Variants in ARFGEF2 observed in about 807,000 individuals in gnomAD.
ARFGEF2 encodes ARF guanine nucleotide exchange factor 2.
Under a neutral mutation model 219.9 loss-of-function variants are expected in ARFGEF2, and 74 were observed. That is an observed-to-expected ratio of 0.34 (90% CI 0.28 to 0.41). ARFGEF2 has a LOEUF of 0.41. ARFGEF2 is among the 10% of genes least tolerant of loss of function. The probability of loss-of-function intolerance (pLI) is 1.00; values close to 1 mark genes in which losing one functional copy is unlikely to be tolerated. For missense variants in ARFGEF2, 1,743 were observed against 2,218.3 expected (o/e 0.79, Z 4.30); for synonymous variants, 733 against 799.2 (o/e 0.92, Z 1.40).
At chr20:48,929,472 A>G (rs979434504) in intron 1 of ARFGEF2, among the ~76,000 whole-genome samples, 4 of 152,232 alleles carry the variant, frequency 2.6e-5, no homozygotes, top group Non-Finnish European at 5.9e-5. Context: ...AGGGATCAAA[A>G]CAAACAAGGA....
At position 48,921,794 on chromosome 20, in the gene ARFGEF2, G is replaced by A; in HGVS notation, c.-96G>A. 1 of 1,176,080 alleles carries A rather than the reference G, an allele frequency of 8.5e-7. No homozygotes were observed. The highest frequency in any genetic ancestry group is 4.2e-5 in the East Asian group (1 of 23,558). The allele number at this position is 1,176,080 out of a possible 1,614,324, so 72.9% of individuals were successfully genotyped here. A position where few individuals can be genotyped will look rare whatever the true frequency, so the allele number is the denominator to read the frequency against. ...TGACGGGGCGGCGCGGACGGACGCGGCCGGTGCCGGCCGGGACGCCGGGCC... is the reference window on the plus strand; with the variant it reads ...TGACGGGGCGGCGCGGACGGACGCGACCGGTGCCGGCCGGGACGCCGGGCC... On this transcript the variant is annotated 5_prime_UTR_variant, in exon 1 of 39. Coordinates refer to ENST00000371917, the MANE Select transcript of ARFGEF2 (RefSeq NM_006420.3).
intron 36 of ARFGEF2, 33 bp from the exon 37 acceptor site, chr20:49,028,497 T>C (rs1387961296): frequency 1.2e-6 from 2 of 1,606,768 alleles, no homozygotes; most frequent in Admixed American, 3.3e-5. Flanking sequence ...ATCTTAGAAA[T>C]GTGCACTAAT....
intron 16 of ARFGEF2, among the ~76,000 whole-genome samples, chr20:48,986,072 T>C (rs1159731778): frequency 2.6e-5 from 4 of 152,214 alleles, no homozygotes; most frequent in Non-Finnish European, 5.9e-5. Context: ...TGATTTTATC[T>C]GGGGACCTTT....
chr20:48,989,108 A>AC (rs1382538034), intron 18 of ARFGEF2, among the ~76,000 whole-genome samples, 177 bp from the exon 19 acceptor site: 2 of 152,062 alleles, frequency 1.3e-5, no homozygotes, highest in Non-Finnish European at 2.9e-5. Flanking sequence ...CAAGTGACTT[A>AC]CCCCCTCTGC....
At chr20:48,964,378 C>CT (rs1356405115) in intron 7 of ARFGEF2, among the ~76,000 whole-genome samples, 2 of 152,174 alleles carry the variant, frequency 1.3e-5, no homozygotes, top group Non-Finnish European at 2.9e-5. Flanking sequence ...GCACTTCAGC[C>CT]TGGGTGACAG....
chr20:48,946,281 C>T (rs1163940966), intron 3 of ARFGEF2, among the ~76,000 whole-genome samples: 1 of 152,140 alleles, frequency 6.6e-6, no homozygotes, highest in Admixed American at 6.5e-5. Flanking sequence ...GCTCAGGCTT[C>T]CTCTCCACTG....
chr20:48,960,285 T>G (rs1287537166), intron 6 of ARFGEF2, among the ~76,000 whole-genome samples: 3 of 152,120 alleles, frequency 2.0e-5, no homozygotes, highest in Non-Finnish European at 4.4e-5. Context: ...AAAAGTACAG[T>G]CACAATGCAG....
At position 48,985,404 on chromosome 20, in the gene ARFGEF2, T is replaced by A. The variant is rs2091321259; in HGVS notation, c.2071-4T>A. 4 of 1,614,148 alleles carry A rather than the reference T, an allele frequency of 2.5e-6. No individual in the cohort carries two copies. Among genetic ancestry groups the A allele is most frequent in the Non-Finnish European group, 3.4e-6 (4 of 1,180,006 alleles). On this transcript the variant is annotated splice_polypyrimidine_tract_variant and splice_region_variant and intron_variant, in intron 15 of 38. Coordinates refer to ENST00000371917, the MANE Select transcript of ARFGEF2 (RefSeq NM_006420.3). ...CTGGATATAAGTGAGTGTGTATGTTTCAGACCCAAGTAGGCGATTTTCTGG... is the reference window on the plus strand; with the variant it reads ...CTGGATATAAGTGAGTGTGTATGTTACAGACCCAAGTAGGCGATTTTCTGG...
In ARFGEF2 at chr20:48,994,442, T is replaced by G; in HGVS notation, c.2974-9T>G. On this transcript the variant is annotated splice_polypyrimidine_tract_variant and intron_variant, in intron 21 of 38. Coordinates refer to ENST00000371917, the MANE Select transcript of ARFGEF2 (RefSeq NM_006420.3). ...AGGAACTCATTTCTTCATGCCTTCT[T>G]TCTCTTAGATCTTGAAATGCATCAG... 1 of 1,613,980 alleles carries G rather than the reference T, an allele frequency of 6.2e-7. No individual in the cohort carries two copies. The highest frequency in any genetic ancestry group is 8.5e-7 in the Non-Finnish European group (1 of 1,180,018).
At chr20:49,004,067 G>A (rs2091441066) in intron 25 of ARFGEF2, among the ~76,000 whole-genome samples, 1 of 152,068 alleles carries the variant, frequency 6.6e-6, no homozygotes, top group Non-Finnish European at 1.5e-5. Flanking sequence ...ATTTTTTCAA[G>A]ATGAAAAGAG....
At chr20:48,924,954 A>G (rs573853656) in intron 1 of ARFGEF2, among the ~76,000 whole-genome samples, 35 of 152,272 alleles carry the variant, frequency 2.3e-4, no homozygotes, top group South Asian at 4.1e-4. Flanking sequence ...TATTATTATT[A>G]TTTTAAGCTG....
Position 49,017,406 on chromosome 20 carries a change from G to A in ARFGEF2, c.4454+19G>A. ...CACATGTGTAAGTGTTCATGCAGTT[G>A]TTCCCGTTTATCTCTGTGTTCAGTG... On this transcript the variant is annotated intron_variant, in intron 32 of 38. Transcript: ENST00000371917. 6.2e-7 allele frequency: 1 copy of A among 1,613,940 alleles called. No individual in the cohort carries two copies. Among genetic ancestry groups the A allele is most frequent in the Non-Finnish European group, 8.5e-7 (1 of 1,179,988 alleles).
At chr20:48,950,811 A>AAAAT (rs1176537072) in intron 3 of ARFGEF2, among the ~76,000 whole-genome samples, 34 of 64,508 alleles carry the variant, frequency 5.3e-4, no homozygotes, top group Admixed American at 9.1e-4. Context: ...AAAAAAAAAA[A>AAAAT]ATATATATAT....
At chr20:48,922,150 A>C in intron 1 of ARFGEF2, 140 bp downstream of exon 1, 1 of 1,337,554 alleles carries the variant, frequency 7.5e-7, no homozygotes, top group Non-Finnish European at 1.0e-6. Flanking sequence ...CCTCCTCATT[A>C]TACCCCCGGA....
At position 48,976,207 on chromosome 20, in the gene ARFGEF2, G is replaced by T; in HGVS notation, c.1958+8G>T. 2 of 1,613,774 alleles carry T rather than the reference G, an allele frequency of 1.2e-6. No individual in the cohort carries two copies. Among genetic ancestry groups the T allele is most frequent in the Non-Finnish European group, 1.7e-6 (2 of 1,179,954 alleles). On this transcript the variant is annotated splice_region_variant and intron_variant, in intron 14 of 38. Transcript: ENST00000371917. Reference sequence around the variant, plus strand: ...TGAACACGGCATCGAGCTGTGAGTGGGGCTGCCGTTAACTAGCAGGGATTC... The same window carrying T: ...TGAACACGGCATCGAGCTGTGAGTGTGGCTGCCGTTAACTAGCAGGGATTC...
chr20:49,006,976 G>A (rs1257944422), intron 26 of ARFGEF2, among the ~76,000 whole-genome samples: 3 of 151,682 alleles, frequency 2.0e-5, no homozygotes, highest in East Asian at 1.9e-4. Flanking sequence ...TACCGTGGCC[G>A]GCCTGCCATT....
intron 34 of ARFGEF2, 38 bp from the exon 35 acceptor site, chr20:49,023,013 G>T: frequency 6.2e-7 from 1 of 1,613,436 alleles, no homozygotes; most frequent in South Asian, 1.1e-5. Flanking sequence ...AGTATTGGCT[G>T]AATCATTATT....
chr20:49,009,416 T>A (rs1022770737), intron 26 of ARFGEF2, among the ~76,000 whole-genome samples: 1 of 151,876 alleles, frequency 6.6e-6, no homozygotes, highest in Admixed American at 6.6e-5. Context: ...CTCTACTGCA[T>A]TCCAGCCTGG....
intron 14 of ARFGEF2, among the ~76,000 whole-genome samples, chr20:48,981,249 T>G (rs2091293916): frequency 6.6e-6 from 1 of 152,224 alleles, no homozygotes; most frequent in South Asian, 2.1e-4. Context: ...AAGTTTAGTT[T>G]GGCTGGATAT....
Sources: gnomAD v4.1 joint callset for allele counts (sites outside exome capture counted in the v4.1 genomes callset) on GRCh38, gnomAD v4.1.1 for gene constraint, MANE v1.5 for transcripts, NCBI Gene and HGNC (gene_info 2026-07-23, HGNC 2026-07-21) for gene names.